The following LBR variants were observed in gnomAD, a reference collection of about 807,000 sequenced individuals.
LBR encodes the protein delta(14)-sterol reductase LBR.
LBR carries 28 observed loss-of-function variants against 74.3 expected under a neutral mutation model. The observed-to-expected ratio is 0.38, with a 90% CI of 0.28 to 0.52. The LOEUF (loss-of-function observed/expected upper bound fraction) is 0.52, where lower values mean the gene tolerates loss of function less well. Ranked by LOEUF, LBR falls within the 20% of genes least tolerant of loss-of-function variation. The pLI, the probability that LBR is intolerant of heterozygous loss-of-function variation, is 0.89. For synonymous variants in LBR, 228 were observed against 269.3 expected (o/e 0.85, Z 1.50); for missense variants, 717 against 760.3 (o/e 0.94, Z 0.67).
rs1307741950 is a variant in LBR at position 225,424,105 on chromosome 1, G to GA, written c.-14-17dup. 1 of 1,603,742 alleles carries GA rather than the reference G, an allele frequency of 6.2e-7. No homozygotes were observed. Among genetic ancestry groups the GA allele is most frequent in the Non-Finnish European group, 8.5e-7 (1 of 1,170,840 alleles). On this transcript the variant is annotated splice_polypyrimidine_tract_variant and intron_variant, in intron 1 of 13. Transcript: ENST00000272163. The stretch of plus-strand genomic sequence containing the variant: ...TATAATTAACCTGAATAGTTTTAAA[G>GA]AAAAAAATTTGAGTCAATACATACA...
chr1:225,402,188 A>C lies in LBR; in HGVS notation c.*1115T>G, dbSNP rs953479594. On this transcript the variant is annotated 3_prime_UTR_variant, in exon 14 of 14. Coordinates refer to ENST00000272163, the MANE Select transcript of LBR (RefSeq NM_002296.4). ...TTTAAGACAGCACTCCTTTACAGGG[A>C]GTCAGGTTTGGTAAATATAAAGGAT... The C allele has an allele frequency of 1.3e-5, 2 of 152,222 alleles. No homozygotes were observed. Among genetic ancestry groups the C allele is most frequent in the African/African-American group, 4.8e-5 (2 of 41,454 alleles). 9.4% of individuals were successfully genotyped at this position (152,222 alleles called of 1,614,324 possible).
chr1:225,404,833 C>G, intron 11 of LBR, 127 bp from the exon 12 acceptor site: 2 of 724,858 alleles, frequency 2.8e-6, no homozygotes, highest in Non-Finnish European at 4.6e-6. Context: ...CTCCTAGGCT[C>G]AAGAGATCCT....
intron 10 of LBR, 66 bp from the exon 11 acceptor site, chr1:225,406,898 T>C (rs2096093138): frequency 4.7e-6 from 7 of 1,496,574 alleles, no homozygotes; most frequent in Admixed American, 1.7e-5. Context: ...AATAAAGTAC[T>C]AGTTTACAGG....
At position 225,403,356 on chromosome 1, in the gene LBR, A is replaced by T. The variant is rs1439795101; in HGVS notation, c.1795T>A (p.Trp599Arg). 6.2e-7 allele frequency: 1 copy of T among 1,613,794 alleles called. No individual in the cohort carries two copies. ...YHCKKKYGVA[W>R]EKYCQRVPYR... is the part of the protein sequence containing the mutation. ...GGCACACGCTGACAGTACTTTTCCC[A>T]AGCCACGCCGTATTTCTTCTTACAG... Residue 599 changes from tryptophan (W) to arginine (R), a missense_variant, in exon 14 of 14, where the codon TGG becomes AGG. By Grantham distance (101) the Trp-to-Arg change is moderately radical. Transcript: ENST00000272163.
At chr1:225,413,803 T>C in intron 7 of LBR, 2 of 359,172 alleles carry the variant, frequency 5.6e-6, no homozygotes, top group Non-Finnish European at 1.1e-5. Context: ...ACCAGAGTAA[T>C]TAGATGAGGA....
At chr1:225,420,635 A>G (rs1282011838) in intron 3 of LBR, among the ~76,000 whole-genome samples, 1 of 152,196 alleles carries the variant, frequency 6.6e-6, no homozygotes, top group East Asian at 1.9e-4. Context: ...ACTAAATATT[A>G]AAAATGAAAG....
Position 225,422,281 on chromosome 1 carries a change from G to C in LBR, c.166-4C>G, listed in dbSNP as rs756897428. ...TTTGCCTAAAGGAAGTTAAAGGCTA[G>C]AAAGGGGGAAGAAGGCAAAGAGCTT... On this transcript the variant is annotated splice_polypyrimidine_tract_variant and splice_region_variant and intron_variant, in intron 2 of 13. Coordinates refer to ENST00000272163, the MANE Select transcript of LBR (RefSeq NM_002296.4). 6.2e-6 allele frequency: 10 copies of C among 1,612,056 alleles called. No homozygotes were observed. Among genetic ancestry groups the C allele is most frequent in the African/African-American group, 4.0e-5 (3 of 74,860 alleles).
intron 2 of LBR, among the ~76,000 whole-genome samples, chr1:225,423,201 A>G (rs2096131321): frequency 6.6e-6 from 1 of 152,150 alleles, no homozygotes; most frequent in Non-Finnish European, 1.5e-5. Context: ...TGAGTCGTCT[A>G]TTGTGTATGT....
rs1011396281 is a variant in LBR, at chr1:225,410,363, A to G, written c.1242T>C (p.Ala414=). Residue 414 remains alanine, a synonymous_variant, in exon 10 of 14, where the codon GCT becomes GCC. Transcript: ENST00000272163. ...CTAAAATCATGGCCAAGGATGGAAC[A>G]GCGCGGTCCTGTATTTTCATTTCAG... is the stretch of plus-strand genomic sequence containing the variant. ...LLAEMKIQDR[A]VPSLAMILVN... The G allele has an allele frequency of 1.3e-5, 21 of 1,614,106 alleles. No individual in the cohort carries two copies. The African/African-American group carries it at 2.7e-4, about 21-fold the overall frequency.
At position 225,415,399 on chromosome 1, in the gene LBR, CACAT is replaced by C; in HGVS notation, c.838-71_838-68del. On this transcript the variant is annotated intron_variant, in intron 6 of 13. Transcript: ENST00000272163. ...CATCATATATACATATATACACACA[CACAT>C]ATATATATTCTAGTATCACTTAATT... 3 of 788,154 alleles carry C rather than the reference CACAT, an allele frequency of 3.8e-6. 1 individual carries two copies. The highest frequency in any genetic ancestry group is 4.6e-5 in the Admixed American group (2 of 43,044). 48.8% of individuals were successfully genotyped at this position (788,154 alleles called of 1,614,324 possible).
chr1:225,417,364 C>T (rs982876232), intron 6 of LBR, among the ~76,000 whole-genome samples: 16 of 152,018 alleles, frequency 1.1e-4, no homozygotes. Context: ...TTAAATATAT[C>T]CAAGTAAAGG....
rs1254466472 is a variant in LBR at position 225,422,277 on chromosome 1, G to T, written c.166C>A (p.Pro56Thr). 1.2e-6 allele frequency: 2 copies of T among 1,612,562 alleles called. No homozygotes were observed. The highest frequency in any genetic ancestry group is 1.7e-6 in the Non-Finnish European group (2 of 1,179,550). Residue 56 changes from proline to threonine, a missense_variant and splice_region_variant, in exon 3 of 14, where the codon CCT becomes ACT. Physicochemically the swap from Pro to Thr is conservative, Grantham distance 38. Coordinates refer to ENST00000272163, the MANE Select transcript of LBR (RefSeq NM_002296.4). ...TTCCTTTGCCTAAAGGAAGTTAAAG[G>T]CTAGAAAGGGGGAAGAAGGCAAAGA... ...ELELKENDIK[P>T]LTSFRQRKGG...
chr1:225,419,251 T>A lies in LBR; in HGVS notation c.640+12A>T. On this transcript the variant is annotated intron_variant, in intron 5 of 13. Transcript: ENST00000272163. Reference sequence around the variant, plus strand: ...CCCACCTGCCCTCTCTGGGCCCAGCTCTGAGGCCTACCAGGTACTCCTCCA... The same window carrying A: ...CCCACCTGCCCTCTCTGGGCCCAGCACTGAGGCCTACCAGGTACTCCTCCA... 1 of 1,614,078 alleles carries A rather than the reference T, an allele frequency of 6.2e-7. No individual in the cohort carries two copies. Among genetic ancestry groups the A allele is most frequent in the Non-Finnish European group, 8.5e-7 (1 of 1,179,924 alleles).
At chr1:225,410,499 G>A (rs925783879) in intron 9 of LBR, 83 bp from the exon 10 acceptor site, 7 of 1,464,336 alleles carry the variant, frequency 4.8e-6, no homozygotes, top group African/African-American at 4.2e-5. Flanking sequence ...GAGCTTCACA[G>A]CTGAGACACC....
chr1:225,417,930 C>T (rs375064173), intron 6 of LBR, 54 bp downstream of exon 6: 4 of 1,536,644 alleles, frequency 2.6e-6, no homozygotes, highest in Non-Finnish European at 3.6e-6. Context: ...CCCGCCTGGA[C>T]AATATAGTGA....
chr1:225,419,893 A>G (rs2096124484), intron 3 of LBR, 95 bp from the exon 4 acceptor site: 3 of 920,788 alleles, frequency 3.3e-6, no homozygotes, highest in East Asian at 2.4e-5. Context: ...ATCAAGCAAT[A>G]AAACAGATTT....
Position 225,412,604 on chromosome 1 carries a change from A to C in LBR, c.934T>G (p.Ser312Ala). 4.3e-6 allele frequency: 7 copies of C among 1,609,860 alleles called. No homozygotes were observed. Among genetic ancestry groups the C allele is most frequent in the Non-Finnish European group, 5.9e-6 (7 of 1,177,028 alleles). The change falls in exon 8 of 14, where the codon TCT (serine) becomes GCT (alanine). Residue 312 changes from serine to alanine, a missense_variant. Physicochemically the swap from Ser to Ala is moderately conservative, Grantham distance 99 (BLOSUM62 1). Coordinates refer to ENST00000272163, the MANE Select transcript of LBR (RefSeq NM_002296.4). ...TGAAACTCTACGCCCTGGAAGAGAGATGTTCCGATGACTGCAGATGTCAGG... is the reference window on the plus strand; with the variant it reads ...TGAAACTCTACGCCCTGGAAGAGAGCTGTTCCGATGACTGCAGATGTCAGG... ...FILTSAVIGT[S>A]LFQGVEFHYV... is the part of the protein sequence containing the mutation.
In LBR at chr1:225,419,324, T is replaced by C. The variant is rs1319077427; in HGVS notation, c.579A>G (p.Ala193=). 3 of 1,614,254 alleles carry C rather than the reference T, an allele frequency of 1.9e-6. No individual in the cohort carries two copies. The highest frequency in any genetic ancestry group is 2.5e-6 in the Non-Finnish European group (3 of 1,180,050). ...KEEKYVAKEL[A]VRTFEVTPIR... Reference sequence around the variant, plus strand: ...TGGGGGTCACTTCAAAGGTTCTCACTGCCAGTTCTTTTGCAACGTATTTTT... The same window carrying C: ...TGGGGGTCACTTCAAAGGTTCTCACCGCCAGTTCTTTTGCAACGTATTTTT... Residue 193 remains alanine, a synonymous_variant, in exon 5 of 14, where the codon GCA becomes GCG. Coordinates refer to ENST00000272163, the MANE Select transcript of LBR (RefSeq NM_002296.4).
At chr1:225,422,835 A>G (rs1387807218) in intron 2 of LBR, among the ~76,000 whole-genome samples, 1 of 152,176 alleles carries the variant, frequency 6.6e-6, no homozygotes, top group Non-Finnish European at 1.5e-5. Flanking sequence ...TGGCCTTCCT[A>G]CTAAGAATGG....
Sources: allele counts gnomAD v4.1 joint callset (sites outside exome capture counted in the v4.1 genomes callset), GRCh38; gene constraint gnomAD v4.1.1; transcripts MANE v1.5; gene names NCBI Gene and HGNC (gene_info 2026-07-23, HGNC 2026-07-21).